CTAG2: variants seen among roughly 807,000 people sequenced by gnomAD.
CTAG2 encodes CTL-recognized antigen on melanoma.
A neutral mutation model predicts 5.7 loss-of-function variants in CTAG2; 5 were observed. The observed-to-expected ratio is 0.88, with a 90% CI of 0.46 to 1.85. CTAG2 has a LOEUF of 1.85. Ranked by LOEUF, CTAG2 falls within the 40% of genes most tolerant of loss-of-function variation. CTAG2 has a pLI of 0.01. For missense variants in CTAG2, 151 were observed against 169.9 expected, an observed-to-expected ratio of 0.89 and a Z score of 0.62; for synonymous variants, 63 against 80.9, an observed-to-expected ratio of 0.78 and a Z score of 1.19.
Position 154,653,336 on chromosome X carries a change from G to A in CTAG2, c.180C>T (p.Ala60=), listed in dbSNP as rs782781877. The A allele has an allele frequency of 5.0e-6, 6 of 1,203,214 alleles. No homozygotes were observed. The highest frequency in any genetic ancestry group is 6.7e-6 in the Non-Finnish European group (6 of 892,204). ...CGGCACCGCCATGCGGACCCCGCGG[G>A]GCGCCTCCTCTCGGCCCCGAGGCCC... ...AARASGPRGG[A]PRGPHGGAAS... Residue 60 remains alanine (A), a synonymous_variant, in exon 1 of 3, where the codon GCC becomes GCT. Coordinates refer to ENST00000369585, the MANE Select transcript of CTAG2 (RefSeq NM_172377.5).
rs1231014434 is a variant in CTAG2, at chrX:154,652,513, C to T, written c.388G>A (p.Gly130Ser). The T allele has an allele frequency of 4.1e-6, 5 of 1,209,193 alleles. No individual in the cohort carries two copies. The highest frequency in any genetic ancestry group is 3.0e-5 in the East Asian group (1 of 33,709). Reference protein sequence around the residue: ...GAVLKDFTVSGNLLFIRLTAA... With the variant: ...GAVLKDFTVSSNLLFIRLTAA... The stretch of plus-strand genomic sequence containing the variant: ...CGAACTGACATAAACAGTAGGTTGC[C>T]GGACACGGTGAAGTCCTTCAGAACC... Residue 130 changes from glycine (G) to serine (S), a missense_variant, in exon 2 of 3, where the codon GGC becomes AGC. Coordinates refer to ENST00000369585, the MANE Select transcript of CTAG2 (RefSeq NM_172377.5).
chrX:154,652,733 ACC>A, intron 1 of CTAG2, 102 bp from the exon 2 acceptor site: 1 of 949,410 alleles, frequency 1.1e-6, no homozygotes, highest in Non-Finnish European at 1.4e-6. Context: ...TCCTGCAGCA[ACC>A]CCACCCAGCT....
At chrX:154,653,201 C>G in intron 1 of CTAG2, 46 bp downstream of exon 1, 1 of 1,186,016 alleles carries the variant, frequency 8.4e-7, no homozygotes, top group African/African-American at 1.8e-5. Flanking sequence ...TCTCACGGCC[C>G]CCACCTCGCC....
Position 154,652,589 on chromosome X carries a change from C to A in CTAG2, c.312G>T (p.Leu104=). 1 of 1,207,026 alleles carries A rather than the reference C, an allele frequency of 8.3e-7. No homozygotes were observed. Among genetic ancestry groups the A allele is most frequent in the Non-Finnish European group, 1.1e-6 (1 of 892,624 alleles). Residue 104 remains leucine, a synonymous_variant, in exon 2 of 3, where the codon CTG becomes CTT. Coordinates refer to ENST00000369585, the MANE Select transcript of CTAG2 (RefSeq NM_172377.5). The part of the protein sequence containing the change: ...MPFSSPMEAE[L]VRRILSRDAA... ...CATCCCGGGACAGGATCCTGCGGACCAGCTCCGCTTCCATGGGCGACGAGA... is the reference window on the plus strand; with the variant it reads ...CATCCCGGGACAGGATCCTGCGGACAAGCTCCGCTTCCATGGGCGACGAGA...
chrX:154,652,506 A>T lies in CTAG2; in HGVS notation c.395T>A (p.Leu132Gln), dbSNP rs782232934. Residue 132 changes from leucine to glutamine, a missense_variant, in exon 2 of 3, where the codon CTA becomes CAA. Around this residue, in one of 2 missense-constraint regions of CTAG2, gnomAD observed 147 missense variants for 151.0 expected, o/e 0.97. Coordinates refer to ENST00000369585, the MANE Select transcript of CTAG2 (RefSeq NM_172377.5). Reference protein sequence around the residue: ...VLKDFTVSGNLLFIRLTAADH... With the variant: ...VLKDFTVSGNQLFIRLTAADH... ...CTGGTCCCGAACTGACATAAACAGT[A>T]GGTTGCCGGACACGGTGAAGTCCTT... 8.3e-6 allele frequency: 10 copies of T among 1,209,152 alleles called. No homozygotes were observed. Among genetic ancestry groups the T allele is most frequent in the Middle Eastern group, 2.3e-4 (1 of 4,372 alleles).
At chrX:154,653,128 A>G in intron 1 of CTAG2, 119 bp downstream of exon 1, 1 of 504,373 alleles carries the variant, frequency 2.0e-6, no homozygotes, top group African/African-American at 4.1e-5. Flanking sequence ...CACCTTCCGC[A>G]CCTGGCCCTG....
Position 154,652,519 on chromosome X carries a change from C to G in CTAG2, c.382G>C (p.Val128Leu), listed in dbSNP as rs782415159. The change falls in exon 2 of 3, where the codon GTG (valine) becomes CTG (leucine). Residue 128 changes from valine (V) to leucine (L), a missense_variant. By Grantham distance (32) the Val-to-Leu change is conservative. Transcript: ENST00000369585. The stretch of plus-strand genomic sequence containing the variant: ...GACATAAACAGTAGGTTGCCGGACA[C>G]GGTGAAGTCCTTCAGAACCGCCCCT... ...RPGAVLKDFT[V>L]SGNLLFIRLT... The G allele has an allele frequency of 1.6e-5, 19 of 1,209,294 alleles. No individual in the cohort carries two copies. The highest frequency in any genetic ancestry group is 2.1e-5 in the Non-Finnish European group (19 of 894,818).
rs782288697 is a variant in CTAG2 at position 154,652,200 on chromosome X, G to A, written c.472C>T (p.Leu158=). 4 of 1,208,040 alleles carry A rather than the reference G, an allele frequency of 3.3e-6. No individual in the cohort carries two copies. In the East Asian group the frequency reaches 8.9e-5, roughly 27 times the overall value. The change falls in exon 3 of 3, where the codon CTG becomes TTG. Residue 158 remains leucine (L), a synonymous_variant. Coordinates refer to ENST00000369585, the MANE Select transcript of CTAG2 (RefSeq NM_172377.5). The part of the protein sequence containing the change: ...SISSCLQQLS[L]LMWITQCFLP... ...AAGCACTGCGTGATCCACATCAACA[G>A]GGAAAGCTGCTGGAGACAGGAGCTG...
Position 154,653,432 on chromosome X carries a change from C to A in CTAG2, c.84G>T (p.Gly28=). 8.8e-7 allele frequency: 1 copy of A among 1,142,139 alleles called. No individual in the cohort carries two copies. The highest frequency in any genetic ancestry group is 1.2e-6 in the Non-Finnish European group (1 of 863,850). 94.1% of individuals were successfully genotyped at this position (1,142,139 alleles called of 1,213,427 possible). Residue 28 remains glycine, a synonymous_variant, in exon 1 of 3, where the codon GGG becomes GGT. Coordinates refer to ENST00000369585, the MANE Select transcript of CTAG2 (RefSeq NM_172377.5). ...PGGPGIPDGP[G]GNAGGPGEAG... is the part of the protein sequence containing the mutation. ...CCTCTCCTGGGCCGCCAGCATTGCC[C>A]CCTGGGCCATCAGGAATGCCAGGGC...
intron 2 of CTAG2, 76 bp downstream of exon 2, chrX:154,652,421 C>G: frequency 8.3e-7 from 1 of 1,211,243 alleles, no homozygotes; most frequent in Non-Finnish European, 1.1e-6. Flanking sequence ...TCTGCCCCTC[C>G]GGGGAGGCGG....
chrX:154,652,085 C>T lies in CTAG2; in HGVS notation c.*44G>A, dbSNP rs1557241247. The T allele has an allele frequency of 1.7e-6, 2 of 1,203,077 alleles. No individual in the cohort carries two copies. Among genetic ancestry groups the T allele is most frequent in the Admixed American group, 2.2e-5 (1 of 45,335 alleles). On this transcript the variant is annotated 3_prime_UTR_variant, in exon 3 of 3. Transcript: ENST00000369585. The stretch of plus-strand genomic sequence containing the variant: ...CTGGCCACTCGTGCTGGGACCATTC[C>T]CTAGGGGAGGAGGCATGACCTAGGA...
rs1557241531 is a variant in CTAG2 at position 154,652,577 on chromosome X, G to A, written c.324C>T (p.Ile108=). The change falls in exon 2 of 3, where the codon ATC becomes ATT. Residue 108 remains isoleucine, a synonymous_variant. Transcript: ENST00000369585. ...SPMEAELVRR[I]LSRDAAPLPR... ...GGAGCGGTGCGGCATCCCGGGACAG[G>A]ATCCTGCGGACCAGCTCCGCTTCCA... is the stretch of plus-strand genomic sequence containing the variant. The A allele has an allele frequency of 8.3e-7, 1 of 1,209,452 alleles. No individual in the cohort carries two copies.
rs781965550 is a variant in CTAG2 at position 154,652,569 on chromosome X, C to T, written c.332G>A (p.Arg111Gln). 2.1e-5 allele frequency: 25 copies of T among 1,208,093 alleles called. No homozygotes were observed. Among genetic ancestry groups the T allele is most frequent in the South Asian group, 1.8e-4 (10 of 56,607 alleles). ...TGGTCGGGGGAGCGGTGCGGCATCC[C>T]GGGACAGGATCCTGCGGACCAGCTC... ...EAELVRRILS[R>Q]DAAPLPRPGA... Residue 111 changes from arginine to glutamine, a missense_variant, in exon 2 of 3, where the codon CGG (arginine) becomes CAG (glutamine). Physicochemically the swap from Arg to Gln is conservative, Grantham distance 43. Coordinates refer to ENST00000369585, the MANE Select transcript of CTAG2 (RefSeq NM_172377.5).
chrX:154,652,468 C>T (rs782087117), intron 2 of CTAG2, 29 bp downstream of exon 2: 33 of 1,209,236 alleles, frequency 2.7e-5, no homozygotes, highest in Non-Finnish European at 3.5e-5. Flanking sequence ...ATCCGCCCAG[C>T]GCCTTCCCTG....
At position 154,652,586 on chromosome X, in the gene CTAG2, G is replaced by C. The variant is rs782615213; in HGVS notation, c.315C>G (p.Val105=). 7.2e-5 allele frequency: 87 copies of C among 1,205,158 alleles called. 1 individual carries two copies. The highest frequency in any genetic ancestry group is 8.3e-5 in the Non-Finnish European group (74 of 892,323). The change falls in exon 2 of 3, where the codon GTC becomes GTG. Residue 105 remains valine, a synonymous_variant. Transcript: ENST00000369585. ...CGGCATCCCGGGACAGGATCCTGCGGACCAGCTCCGCTTCCATGGGCGACG... is the reference window on the plus strand; with the variant it reads ...CGGCATCCCGGGACAGGATCCTGCGCACCAGCTCCGCTTCCATGGGCGACG... ...PFSSPMEAEL[V]RRILSRDAAP...
At chrX:154,652,916 C>T (rs2070166029) in intron 1 of CTAG2, among the ~76,000 whole-genome samples, 1 of 107,382 alleles carries the variant, frequency 9.3e-6, no homozygotes, top group African/African-American at 3.4e-5. Flanking sequence ...GCACGCTTCC[C>T]CCCAACTCCT....
chrX:154,652,329 GC>G (rs782649630), intron 2 of CTAG2, 62 bp from the exon 3 acceptor site: 1 of 1,209,531 alleles, frequency 8.3e-7, no homozygotes, highest in Admixed American at 2.2e-5. Flanking sequence ...ATCTCCCTGG[GC>G]TCCCTCGGGT....
Position 154,653,380 on chromosome X carries a change from G to A in CTAG2, c.136C>T (p.Arg46Trp), listed in dbSNP as rs782220197. ...EAGATGGRGP[R>W]GAGAARASGP... ...GAGGCCCTTGCTGCCCCTGCGCCCC[G>A]GGGACCTCTGCCGCCCGTGGCACCC... is the stretch of plus-strand genomic sequence containing the variant. The change falls in exon 1 of 3, where the codon CGG (arginine) becomes TGG (tryptophan). Residue 46 changes from arginine to tryptophan, a missense_variant. Physicochemically the swap from Arg to Trp is moderately radical, Grantham distance 101. Around this residue, in one of 2 missense-constraint regions of CTAG2, gnomAD observed 147 missense variants for 151.0 expected, o/e 0.97. Coordinates refer to ENST00000369585, the MANE Select transcript of CTAG2 (RefSeq NM_172377.5). The A allele has an allele frequency of 1.6e-5, 19 of 1,167,671 alleles. No individual in the cohort carries two copies. The highest frequency in any genetic ancestry group is 6.4e-5 in the East Asian group (2 of 31,060).
chrX:154,652,792 C>G (rs781869812), intron 1 of CTAG2, among the ~76,000 whole-genome samples, 161 bp from the exon 2 acceptor site: 48 of 109,197 alleles, frequency 4.4e-4, no homozygotes, highest in African/African-American at 1.2e-3. Context: ...CTGACTCCTG[C>G]GTGCCCTTCC....
Sources: gnomAD v4.1 joint callset for allele counts (sites outside exome capture counted in the v4.1 genomes callset) on GRCh38, gnomAD v4.1.1 for gene constraint, gnomAD v4.1.1 regional missense constraint, MANE v1.5 for transcripts, NCBI Gene and HGNC (gene_info 2026-07-23, HGNC 2026-07-21) for gene names.